Variants in CNTNAP5 observed in about 807,000 individuals in gnomAD.
CNTNAP5 encodes the protein contactin-associated protein-like 5.
A neutral mutation model predicts 150.2 loss-of-function variants in CNTNAP5; 72 were observed. That is an observed-to-expected ratio of 0.48 (90% CI 0.40 to 0.58). The LOEUF (loss-of-function observed/expected upper bound fraction) is 0.58. Ranked by LOEUF, CNTNAP5 falls within the 20% of genes least tolerant of loss-of-function variation. The probability of loss-of-function intolerance (pLI) is 0.00; values close to 1 mark genes in which losing one functional copy is unlikely to be tolerated. For missense variants in CNTNAP5, 1,636 were observed against 1,626.2 expected, an observed-to-expected ratio of 1.01 and a Z score of -0.10; for synonymous variants, 672 against 619.8, an observed-to-expected ratio of 1.08 and a Z score of -1.25.
At chr2:124,366,805 T>C (rs542727940) in intron 3 of CNTNAP5, among the ~76,000 whole-genome samples, 2 of 152,260 alleles carry the variant, frequency 1.3e-5, no homozygotes, top group African/African-American at 4.8e-5. Flanking sequence ...GGGCTGAGTC[T>C]TATCCCAGCC....
At chr2:124,753,467 C>T (rs999569766) in intron 14 of CNTNAP5, among the ~76,000 whole-genome samples, 2 of 152,166 alleles carry the variant, frequency 1.3e-5, no homozygotes, top group African/African-American at 4.8e-5. Context: ...CCTTGTTAGC[C>T]ATTACTCCTG....
intron 1 of CNTNAP5, among the ~76,000 whole-genome samples, chr2:124,216,699 T>A (rs1686165914): frequency 6.6e-6 from 1 of 152,208 alleles, no homozygotes; most frequent in African/African-American, 2.4e-5. Flanking sequence ...TTCATCCATG[T>A]CCCTACAAAG....
intron 3 of CNTNAP5, among the ~76,000 whole-genome samples, chr2:124,397,156 G>T (rs1558882781): frequency 2.6e-5 from 4 of 152,114 alleles, no homozygotes; most frequent in African/African-American, 9.7e-5. Context: ...TAGTGAGCAA[G>T]TTTTTTTTCT....
At chr2:124,250,546 A>T (rs569001906) in intron 3 of CNTNAP5, among the ~76,000 whole-genome samples, 8 of 152,230 alleles carry the variant, frequency 5.3e-5, no homozygotes, top group Admixed American at 3.9e-4. Context: ...GATAAACTAA[A>T]TACTCAGTGG....
intron 3 of CNTNAP5, among the ~76,000 whole-genome samples, chr2:124,384,302 T>C (rs998737922): frequency 1.3e-5 from 2 of 152,164 alleles, no homozygotes; most frequent in African/African-American, 4.8e-5. Flanking sequence ...TTCCTATGCA[T>C]AAAATGTATC....
At chr2:124,203,323 G>A (rs1004550115) in intron 1 of CNTNAP5, among the ~76,000 whole-genome samples, 8 of 152,150 alleles carry the variant, frequency 5.3e-5, no homozygotes, top group South Asian at 2.1e-4. Context: ...GACTTTACAG[G>A]GTACAGCACC....
intron 16 of CNTNAP5, among the ~76,000 whole-genome samples, chr2:124,772,319 A>G (rs534311513): frequency 6.6e-6 from 1 of 152,320 alleles, no homozygotes; most frequent in Non-Finnish European, 1.5e-5. Context: ...GGACAAGGCG[A>G]TACAACTTTC....
rs112277499 is a variant in CNTNAP5, at chr2:124,866,090, C to T, written c.3348+654C>T. Among the ~76,000 whole-genome samples, 707 of 152,016 alleles carry T rather than the reference C, an allele frequency of 4.7e-3. 3 individuals carry two copies. Among genetic ancestry groups the T allele is most frequent in the African/African-American group, 0.016 (677 of 41,442 alleles). On this transcript the variant is annotated intron_variant, in intron 20 of 23. Transcript: ENST00000682447. Reference sequence around the variant, plus strand: ...TAGCCTGGCCAACATGGCAAAACCCCATCAATACTAAAAAATACAAAAATT... The same window carrying T: ...TAGCCTGGCCAACATGGCAAAACCCTATCAATACTAAAAAATACAAAAATT...
Position 124,296,864 on chromosome 2 carries a change from G to C in CNTNAP5, c.381+54471G>C, listed in dbSNP as rs1688444467. 2.0e-5 allele frequency among the ~76,000 whole-genome samples: 3 copies of C among 152,304 alleles called. No individual in the cohort carries two copies. In the South Asian group the frequency reaches 6.2e-4, roughly 32 times the overall value. ...GCACTGCTATTCATTCAGAGGGTGA[G>C]ACTGGAGAAGGGCTCTCTGCCACTC... On this transcript the variant is annotated intron_variant, in intron 3 of 23. Coordinates refer to ENST00000682447, the MANE Select transcript of CNTNAP5 (RefSeq NM_001367498.1).
chr2:124,629,257 A>AT (rs1349632259), intron 12 of CNTNAP5, among the ~76,000 whole-genome samples: 1 of 152,154 alleles, frequency 6.6e-6, no homozygotes, highest in South Asian at 2.1e-4. Flanking sequence ...CAGAATATAC[A>AT]TTTTTTCCTG....
At chr2:124,696,672 C>A (rs555118000) in intron 13 of CNTNAP5, among the ~76,000 whole-genome samples, 2 of 152,138 alleles carry the variant, frequency 1.3e-5, no homozygotes, top group African/African-American at 4.8e-5. Context: ...GAACTCAGGG[C>A]GACTTGCCTT....
chr2:124,273,688 G>C (rs973916310), intron 3 of CNTNAP5, among the ~76,000 whole-genome samples: 10 of 152,152 alleles, frequency 6.6e-5, no homozygotes, highest in Non-Finnish European at 1.2e-4. Context: ...AATGTGATTG[G>C]AGCATGGTAT....
At chr2:124,800,434 C>T (rs1034308791) in intron 19 of CNTNAP5, among the ~76,000 whole-genome samples, 2 of 152,072 alleles carry the variant, frequency 1.3e-5, no homozygotes, top group Non-Finnish European at 2.9e-5. Flanking sequence ...AATTAATCCA[C>T]ACAACATTTA....
intron 1 of CNTNAP5, among the ~76,000 whole-genome samples, chr2:124,071,131 T>C (rs1437402966): frequency 6.6e-6 from 1 of 151,948 alleles, no homozygotes; most frequent in African/African-American, 2.4e-5. Context: ...AATTGAAAAT[T>C]TTTTTGAAGC....
intron 3 of CNTNAP5, among the ~76,000 whole-genome samples, chr2:124,256,219 A>C (rs1047380432): frequency 2.0e-5 from 3 of 152,308 alleles, no homozygotes; most frequent in South Asian, 2.1e-4. Context: ...TATATTGTCA[A>C]TGTCTTTCTA....
chr2:124,795,228 G>T (rs1366874287), intron 18 of CNTNAP5, among the ~76,000 whole-genome samples: 1 of 152,114 alleles, frequency 6.6e-6, no homozygotes, highest in Non-Finnish European at 1.5e-5. Context: ...GATTGAATGG[G>T]ATCCTGTGAT....
Position 124,195,270 on chromosome 2 carries a change from G to A in CNTNAP5, c.83-26435G>A, listed in dbSNP as rs911560434. Among the ~76,000 whole-genome samples, 8 of 152,254 alleles carry A rather than the reference G, an allele frequency of 5.3e-5. 1 individual carries two copies. In the South Asian group the frequency reaches 8.3e-4, roughly 16 times the overall value. On this transcript the variant is annotated intron_variant, in intron 1 of 23. Transcript: ENST00000682447. The stretch of plus-strand genomic sequence containing the variant: ...TGACCCCACAGTTCCTGCAGAGAGC[G>A]TGCATCCTGGAGAAATTCTCACACA...
intron 1 of CNTNAP5, among the ~76,000 whole-genome samples, chr2:124,147,339 G>A (rs559823579): frequency 2.0e-5 from 3 of 152,272 alleles, no homozygotes; most frequent in African/African-American, 7.2e-5. Context: ...AACACACAGT[G>A]GGATTTGAGA....
intron 3 of CNTNAP5, among the ~76,000 whole-genome samples, chr2:124,305,830 C>T (rs533359530): frequency 6.6e-5 from 10 of 152,142 alleles, no homozygotes; most frequent in African/African-American, 2.4e-4. Flanking sequence ...ATATAAATTT[C>T]TTTTAAAAAA....
Sources: gnomAD v4.1 joint callset for allele counts (sites outside exome capture counted in the v4.1 genomes callset) on GRCh38, gnomAD v4.1.1 for gene constraint, MANE v1.5 for transcripts, NCBI Gene and HGNC (gene_info 2026-07-23, HGNC 2026-07-21) for gene names.